ANKS1B: variants seen among roughly 807,000 people sequenced by gnomAD.
ANKS1B encodes the protein ankyrin repeat and sterile alpha motif domain containing 1B.
Under a neutral mutation model 148.3 loss-of-function variants are expected in ANKS1B, and 36 were observed. That is an observed-to-expected ratio of 0.24 (90% confidence interval 0.19 to 0.32). The LOEUF (loss-of-function observed/expected upper bound fraction) is 0.32. Among genes scored for constraint, ANKS1B ranks in the 10% least tolerant of loss-of-function variants. ANKS1B has a pLI of 1.00. For missense variants in ANKS1B, 1,157 were observed against 1,542.6 expected, an observed-to-expected ratio of 0.75 and a Z score of 4.19; for synonymous variants, 542 against 560.8, an observed-to-expected ratio of 0.97 and a Z score of 0.47.
intron 17 of ANKS1B, among the ~76,000 whole-genome samples, chr12:98,894,478 C>G (rs553109894): frequency 1.8e-4 from 27 of 152,220 alleles, no homozygotes; most frequent in Admixed American, 7.2e-4. Flanking sequence ...GCTGAGGCTG[C>G]AACACCTGCC....
At chr12:99,364,518 C>T (rs2092663000) in intron 12 of ANKS1B, among the ~76,000 whole-genome samples, 1 of 152,170 alleles carries the variant, frequency 6.6e-6, no homozygotes, top group Admixed American at 6.5e-5. Context: ...CATTTTGTAC[C>T]TGTAGTTCTC....
chr12:99,845,165 G>A (rs958775238), intron 1 of ANKS1B, among the ~76,000 whole-genome samples: 3 of 152,110 alleles, frequency 2.0e-5, no homozygotes, highest in South Asian at 2.1e-4. Context: ...ATAGGATCAC[G>A]TTATCTGCAA....
intron 9 of ANKS1B, among the ~76,000 whole-genome samples, chr12:99,599,654 A>G (rs1342386469): frequency 6.6e-6 from 1 of 152,054 alleles, no homozygotes; most frequent in Non-Finnish European, 1.5e-5. Flanking sequence ...AAGAACAAGG[A>G]GAAATTTAGG....
intron 1 of ANKS1B, among the ~76,000 whole-genome samples, chr12:99,958,552 T>G (rs1165631047): frequency 1.3e-5 from 2 of 152,108 alleles, no homozygotes; most frequent in Non-Finnish European, 2.9e-5. Context: ...CTAGCTAATT[T>G]TTTTGTATTG....
At chr12:99,653,335 A>G (rs977306183) in intron 9 of ANKS1B, among the ~76,000 whole-genome samples, 1 of 152,202 alleles carries the variant, frequency 6.6e-6, no homozygotes. Flanking sequence ...TATTTTTAAG[A>G]TATAAGGCAA....
At chr12:99,970,800 C>G (rs1165694825) in intron 1 of ANKS1B, among the ~76,000 whole-genome samples, 2 of 152,172 alleles carry the variant, frequency 1.3e-5, no homozygotes, top group African/African-American at 4.8e-5. Flanking sequence ...TGCAGTTTCC[C>G]CTGAATACTC....
rs2090162804 is a variant in ANKS1B at position 99,343,079 on chromosome 12, A to G, written c.1756+56552T>C. Among the ~76,000 whole-genome samples, 3 of 152,188 alleles carry G rather than the reference A, an allele frequency of 2.0e-5. No homozygotes were observed. In the South Asian group the frequency reaches 6.2e-4, roughly 32 times the overall value. On this transcript the variant is annotated intron_variant, in intron 12 of 26. Transcript: ENST00000683438. ...AGGCAGAATCCTCAAAATAACTAAT[A>G]CCAAATACAAGTTTTCAAATCTTTC... is the stretch of plus-strand genomic sequence containing the variant.
At chr12:99,951,315 A>T (rs74670960) in intron 1 of ANKS1B, among the ~76,000 whole-genome samples, 3,726 of 152,252 alleles carry the variant, frequency 0.024, 166 homozygotes, top group African/African-American at 0.084. Flanking sequence ...GGTACTAGGA[A>T]ATTTTCTTGT....
At chr12:99,478,013 T>TCAACAC (rs2096353289) in intron 10 of ANKS1B, among the ~76,000 whole-genome samples, 1 of 152,222 alleles carries the variant, frequency 6.6e-6, no homozygotes, top group Non-Finnish European at 1.5e-5. Flanking sequence ...ACATAATGTT[T>TCAACAC]TTAAATATTA....
intron 12 of ANKS1B, among the ~76,000 whole-genome samples, chr12:99,340,191 A>G (rs2152325892): frequency 6.6e-6 from 1 of 152,290 alleles, no homozygotes; most frequent in African/African-American, 2.4e-5. Context: ...AACCTAATCA[A>G]TGGTACAGTC....
At chr12:99,219,053 G>A (rs1313362477) in intron 14 of ANKS1B, among the ~76,000 whole-genome samples, 1 of 152,184 alleles carries the variant, frequency 6.6e-6, no homozygotes, top group South Asian at 2.1e-4. Context: ...TGAGAGATCA[G>A]ATGATTCCTT....
intron 11 of ANKS1B, among the ~76,000 whole-genome samples, chr12:99,410,460 G>A (rs1270398982): frequency 1.3e-5 from 2 of 152,158 alleles, no homozygotes; most frequent in Middle Eastern, 3.2e-3. Context: ...ACGAGGTCAG[G>A]AGATCGAGAC....
At chr12:98,921,584 C>T (rs1186020640) in intron 17 of ANKS1B, among the ~76,000 whole-genome samples, 1 of 152,182 alleles carries the variant, frequency 6.6e-6, no homozygotes, top group African/African-American at 2.4e-5. Context: ...TAGAACATCA[C>T]CCCACTTCCA....
chr12:99,799,795 A>G (rs1486407248), intron 4 of ANKS1B, among the ~76,000 whole-genome samples: 2 of 152,158 alleles, frequency 1.3e-5, no homozygotes. Flanking sequence ...ATGTGTTCCA[A>G]CAAGAACAAC....
chr12:99,280,604 A>G (rs1327505471), intron 12 of ANKS1B, among the ~76,000 whole-genome samples: 1 of 152,156 alleles, frequency 6.6e-6, no homozygotes, highest in Admixed American at 6.6e-5. Flanking sequence ...TAGACTGAGT[A>G]CAGTAGATTG....
chr12:99,740,629 C>T (rs1046455157), intron 8 of ANKS1B, among the ~76,000 whole-genome samples: 2 of 152,170 alleles, frequency 1.3e-5, no homozygotes, highest in Admixed American at 6.5e-5. Flanking sequence ...ATAGGAACAG[C>T]TCCAGTCTGC....
chr12:99,285,590 A>G (rs2079021465), intron 12 of ANKS1B, among the ~76,000 whole-genome samples: 1 of 152,134 alleles, frequency 6.6e-6, no homozygotes, highest in African/African-American at 2.4e-5. Flanking sequence ...ACATAAGAAA[A>G]CACCTTCATA....
intron 17 of ANKS1B, among the ~76,000 whole-genome samples, chr12:99,046,823 A>AAAAG (rs2099962759): frequency 7.0e-6 from 1 of 143,308 alleles, no homozygotes; most frequent in Non-Finnish European, 1.6e-5. Flanking sequence ...AAAAGAAAAA[A>AAAAG]AAAAGAAAAA....
intron 17 of ANKS1B, among the ~76,000 whole-genome samples, chr12:98,940,606 T>C (rs2099835248): frequency 6.6e-6 from 1 of 152,138 alleles, no homozygotes. Context: ...ATTATCTGTG[T>C]CAGTGGATGA....
Sources: gnomAD v4.1 joint callset for allele counts (sites outside exome capture counted in the v4.1 genomes callset) on GRCh38, gnomAD v4.1.1 for gene constraint, MANE v1.5 for transcripts, NCBI Gene and HGNC (gene_info 2026-07-23, HGNC 2026-07-21) for gene names.